The following HSPG2 variants were observed in gnomAD, a reference collection of about 807,000 sequenced individuals.
HSPG2 encodes the protein basement membrane-specific heparan sulfate proteoglycan core protein.
Under a neutral mutation model 526.6 loss-of-function variants are expected in HSPG2, and 278 were observed. The observed-to-expected ratio is 0.53, with a 90% CI of 0.48 to 0.58. HSPG2 has a LOEUF of 0.58. HSPG2 is among the 20% of genes least tolerant of loss of function. HSPG2 has a pLI of 0.00. For synonymous variants in HSPG2, 2,465 were observed against 2,555.4 expected (o/e 0.96, Z 1.07); for missense variants, 5,354 against 6,099.5 (o/e 0.88, Z 4.07).
intron 44 of HSPG2, 22 bp downstream of exon 44, chr1:21,856,993 C>T (rs749485434): frequency 6.2e-7 from 1 of 1,612,032 alleles, no homozygotes; most frequent in Admixed American, 1.7e-5. Flanking sequence ...AGGGGAGAAT[C>T]AGGTATAGAT....
At chr1:21,896,890 T>C (rs1642789537) in intron 1 of HSPG2, among the ~76,000 whole-genome samples, 1 of 152,200 alleles carries the variant, frequency 6.6e-6, no homozygotes, top group African/African-American at 2.4e-5. Flanking sequence ...AGAATTAGCT[T>C]TGGCACATGC....
In HSPG2 at chr1:21,842,818, GGCATGGGCCT is replaced by G. The variant is rs1331216458; in HGVS notation, c.8852_8861del (p.Gln2951ProfsTer151). The G allele has an allele frequency of 6.2e-7, 1 of 1,613,938 alleles. No individual in the cohort carries two copies. The highest frequency in any genetic ancestry group is 1.7e-5 in the Admixed American group (1 of 60,022). On this transcript the variant is annotated frameshift_variant, in exon 67 of 97. Coordinates refer to ENST00000374695, the MANE Select transcript of HSPG2 (RefSeq NM_005529.7). LOFTEE classifies it high-confidence loss of function. The stretch of plus-strand genomic sequence containing the variant: ...CCCCGCGCTTGTACCACGTGACCTG[GGCATGGGCCT>G]GCCCGGGCACCACACAGTTCAGATC...
intron 44 of HSPG2, 78 bp downstream of exon 44, chr1:21,856,937 T>C: frequency 6.9e-7 from 1 of 1,442,490 alleles, no homozygotes; most frequent in South Asian, 1.1e-5. Context: ...ATCAGCAGAA[T>C]GAAGAAATGC....
At position 21,828,373 on chromosome 1, in the gene HSPG2, C is replaced by T; in HGVS notation, c.12291G>A (p.Gln4097=). 1 of 1,613,866 alleles carries T rather than the reference C, an allele frequency of 6.2e-7. No individual in the cohort carries two copies. Among genetic ancestry groups the T allele is most frequent in the South Asian group, 1.1e-5 (1 of 91,088 alleles). ...LDLTYSFLGS[Q]GIGQCYDSSP... Reference sequence around the variant, plus strand: ...AGCTATCATAGCATTGCCCGATGCCCTGGCTGCCTAGGAAACTGTAGGTGA... The same window carrying T: ...AGCTATCATAGCATTGCCCGATGCCTTGGCTGCCTAGGAAACTGTAGGTGA... Residue 4097 remains glutamine (Q), a synonymous_variant, in exon 89 of 97, where the codon CAG becomes CAA. Transcript: ENST00000374695. This position sits in a 1 kb window ranked among gnomAD's most constrained non-coding sequence, Gnocchi z 6.0.
At chr1:21,911,002 G>A (rs914083858) in intron 1 of HSPG2, among the ~76,000 whole-genome samples, 7 of 152,146 alleles carry the variant, frequency 4.6e-5, no homozygotes, top group African/African-American at 1.2e-4. Context: ...GGCATCCTGC[G>A]CCAAATGCAC....
chr1:21,824,777 C>T lies in HSPG2; in HGVS notation c.12592G>A (p.Ala4198Thr). The change falls in exon 92 of 97, where the codon GCC becomes ACC. Residue 4198 changes from alanine to threonine, a missense_variant and splice_region_variant. By Grantham distance (58) the Ala-to-Thr change is moderately conservative. Transcript: ENST00000374695. The surrounding 1 kb of genome is among the most constrained non-coding windows in gnomAD (Gnocchi z 5.9). Reference sequence around the variant, plus strand: ...AAATAGGCTCCGTACTGCCCAGGGGCATCTGTGGGAGAGAGGAGGGTGGTG... The same window carrying T: ...AAATAGGCTCCGTACTGCCCAGGGGTATCTGTGGGAGAGAGGAGGGTGGTG... ...WHLEGSGGND[A>T]PGQYGAYFHD... 1.2e-6 allele frequency: 2 copies of T among 1,611,918 alleles called. No homozygotes were observed. Among genetic ancestry groups the T allele is most frequent in the Non-Finnish European group, 8.5e-7 (1 of 1,179,148 alleles).
chr1:21,933,257 G>A lies in HSPG2; in HGVS notation c.63+3898C>T, dbSNP rs16826058. On this transcript the variant is annotated intron_variant, in intron 1 of 96. Coordinates refer to ENST00000374695, the MANE Select transcript of HSPG2 (RefSeq NM_005529.7). ...AAGAAAAGAAAAAGAAACAAAGACTGGTATAGCTGGAGGAGTTTGAGAGGA... is the reference window on the plus strand; with the variant it reads ...AAGAAAAGAAAAAGAAACAAAGACTAGTATAGCTGGAGGAGTTTGAGAGGA... Among the ~76,000 whole-genome samples, 2,469 of 152,058 alleles carry A rather than the reference G, an allele frequency of 0.016. 92 individuals are homozygous for A. The East Asian group carries it at 0.17, about 11-fold the overall frequency.
At chr1:21,831,133 C>T in intron 84 of HSPG2, 43 bp from the exon 85 acceptor site, 1 of 1,600,170 alleles carries the variant, frequency 6.2e-7, no homozygotes, top group Non-Finnish European at 8.6e-7. Flanking sequence ...ACATTCAGTA[C>T]CCCCCATAAT....
intron 1 of HSPG2, among the ~76,000 whole-genome samples, chr1:21,925,041 G>A (rs1021687428): frequency 6.6e-6 from 1 of 152,218 alleles, no homozygotes; most frequent in African/African-American, 2.4e-5. Context: ...CCGGAGAGTA[G>A]GGACCATGCC....
At chr1:21,835,135 T>G (rs2152697367) in intron 76 of HSPG2, 190 bp from the exon 77 acceptor site, 1 of 685,566 alleles carries the variant, frequency 1.5e-6, no homozygotes, top group African/African-American at 1.8e-5. Context: ...CACTCACGTG[T>G]CCACTTCTTT....
intron 1 of HSPG2, among the ~76,000 whole-genome samples, chr1:21,925,422 C>T (rs1187076227): frequency 6.6e-6 from 1 of 152,146 alleles, no homozygotes. Flanking sequence ...ATGAGGGGGA[C>T]ACAGGGCTGG....
intron 76 of HSPG2, chr1:21,835,328 C>G: frequency 1.6e-6 from 1 of 617,320 alleles, no homozygotes; most frequent in Non-Finnish European, 2.9e-6. Context: ...TGAGCACTCA[C>G]ACACTCCATC....
chr1:21,851,968 G>T, intron 53 of HSPG2, 42 bp from the exon 54 acceptor site: 11 of 1,607,002 alleles, frequency 6.8e-6, no homozygotes, highest in Non-Finnish European at 9.3e-6. Context: ...GCTTCCCGGA[G>T]GCCAGCAAAT....
At position 21,834,670 on chromosome 1, in the gene HSPG2, G is replaced by A; in HGVS notation, c.10720+9C>T. ...CTGTCCCCCAACAAAAGTCCCCACT[G>A]GCCTTCACCTTGCACAAGCAGCAGG... On this transcript the variant is annotated intron_variant, in intron 77 of 96. Transcript: ENST00000374695. The A allele has an allele frequency of 1.2e-6, 2 of 1,613,974 alleles. No homozygotes were observed. Among genetic ancestry groups the A allele is most frequent in the Non-Finnish European group, 1.7e-6 (2 of 1,180,018 alleles).
chr1:21,857,154 C>A lies in HSPG2; in HGVS notation c.5436G>T (p.Gly1812=), dbSNP rs540597567. The A allele has an allele frequency of 6.2e-7, 1 of 1,614,104 alleles. No homozygotes were observed. Among genetic ancestry groups the A allele is most frequent in the African/African-American group, 1.3e-5 (1 of 75,012 alleles). The change falls in exon 44 of 97, where the codon GGG becomes GGT. Residue 1812 remains glycine (G), a synonymous_variant. Coordinates refer to ENST00000374695, the MANE Select transcript of HSPG2 (RefSeq NM_005529.7). ...AATCCATGGCTCGGGTGGGCAGTTT[C>A]CCGTTGTGCAGGCGGGTCCACACCA... ...YTLVWTRLHN[G]KLPTRAMDFN... is the part of the protein sequence containing the mutation.
chr1:21,878,853 TAG>T (rs1641295485), intron 18 of HSPG2, 139 bp downstream of exon 18: 2 of 1,254,074 alleles, frequency 1.6e-6, no homozygotes, highest in South Asian at 1.3e-5. Context: ...AACAGAGGCC[TAG>T]AGAGGTCCAG....
chr1:21,870,820 C>T (rs1467565387), intron 33 of HSPG2: 3 of 986,126 alleles, frequency 3.0e-6, no homozygotes, highest in African/African-American at 1.7e-5. Flanking sequence ...ACACCACGCA[C>T]GTCCTGGGCC....
intron 33 of HSPG2, among the ~76,000 whole-genome samples, chr1:21,867,820 T>C (rs1215752266): frequency 2.0e-5 from 3 of 152,106 alleles, no homozygotes; most frequent in Non-Finnish European, 4.4e-5. Flanking sequence ...AATCTCTGCC[T>C]CCCGGGTTCA....
chr1:21,907,999 C>A, intron 1 of HSPG2: 1 of 642,836 alleles, frequency 1.6e-6, no homozygotes, highest in Non-Finnish European at 2.9e-6. Context: ...GGGTTAAATA[C>A]AGATGTAAAA....
Sources: allele counts gnomAD v4.1 joint callset (sites outside exome capture counted in the v4.1 genomes callset), GRCh38; gene constraint gnomAD v4.1.1; non-coding constraint Gnocchi (gnomAD v3.1); transcripts MANE v1.5; gene names NCBI Gene and HGNC (gene_info 2026-07-23, HGNC 2026-07-21).